Variants in DYNC1I1 observed in about 807,000 individuals in gnomAD.
DYNC1I1 encodes the protein cytoplasmic dynein 1 intermediate chain 1.
A neutral mutation model predicts 86.6 loss-of-function variants in DYNC1I1; 43 were observed. The observed-to-expected ratio is 0.50, with a 90% CI of 0.39 to 0.64. DYNC1I1 has a LOEUF of 0.64. Ranked by LOEUF, DYNC1I1 falls within the 30% of genes least tolerant of loss-of-function variation. The pLI is 0.00. For synonymous variants in DYNC1I1, 262 were observed against 283.7 expected (o/e 0.92, Z 0.77); for missense variants, 604 against 788.8 (o/e 0.77, Z 2.81).
chr7:95,888,577 A>G (rs1008454747), intron 6 of DYNC1I1, among the ~76,000 whole-genome samples: 2 of 152,192 alleles, frequency 1.3e-5, no homozygotes, highest in African/African-American at 2.4e-5. Flanking sequence ...GCTCATATGC[A>G]TGTGTATGTT....
At chr7:95,877,225 G>C (rs976477977) in intron 6 of DYNC1I1, among the ~76,000 whole-genome samples, 1 of 152,178 alleles carries the variant, frequency 6.6e-6, no homozygotes, top group South Asian at 2.1e-4. Context: ...GCAAGTGTGA[G>C]TACAAGGTGG....
At chr7:96,065,125 A>AACACTTCTCAGTTTAAG in intron 14 of DYNC1I1, among the ~76,000 whole-genome samples, 1 of 152,254 alleles carries the variant, frequency 6.6e-6, no homozygotes, top group East Asian at 1.9e-4. Context: ...ACCCTCAACC[A>AACACTTCTCAGTTTAAG]ACCATATTAA....
At chr7:95,874,346 T>C (rs891336424) in intron 6 of DYNC1I1, among the ~76,000 whole-genome samples, 1 of 152,210 alleles carries the variant, frequency 6.6e-6, no homozygotes, top group East Asian at 1.9e-4. Context: ...CAGACTGAGT[T>C]TGTGGTTGCT....
At chr7:96,082,870 TATACTC>T (rs1790565344) in intron 16 of DYNC1I1, among the ~76,000 whole-genome samples, 5 of 152,220 alleles carry the variant, frequency 3.3e-5, no homozygotes, top group Admixed American at 2.6e-4. Context: ...AAAGTGTTGT[TATACTC>T]ATATTTGTAC....
intron 6 of DYNC1I1, among the ~76,000 whole-genome samples, chr7:95,872,764 C>T (rs10258647): frequency 0.21 from 32,457 of 152,058 alleles, 4,089 homozygotes; most frequent in African/African-American, 0.35. Context: ...GATACCTTTG[C>T]CCCAATATAT....
At chr7:95,927,305 T>A (rs1225883409) in intron 6 of DYNC1I1, among the ~76,000 whole-genome samples, 1 of 152,086 alleles carries the variant, frequency 6.6e-6, no homozygotes, top group African/African-American at 2.4e-5. Flanking sequence ...GTTGTCAGTC[T>A]AGTAGGGGAG....
chr7:96,091,635 G>A (rs1790850911), intron 16 of DYNC1I1, among the ~76,000 whole-genome samples: 2 of 152,158 alleles, frequency 1.3e-5, no homozygotes, highest in African/African-American at 4.8e-5. Flanking sequence ...CTGGGATGGT[G>A]AAAGTTACTG....
At chr7:95,915,639 C>G (rs993687953) in intron 6 of DYNC1I1, among the ~76,000 whole-genome samples, 1 of 152,048 alleles carries the variant, frequency 6.6e-6, no homozygotes, top group Non-Finnish European at 1.5e-5. Context: ...TTCAGTGCTA[C>G]TGTCTACAGG....
chr7:96,107,878 T>G (rs1378845989), intron 16 of DYNC1I1, among the ~76,000 whole-genome samples: 1 of 150,858 alleles, frequency 6.6e-6, no homozygotes, highest in African/African-American at 2.4e-5. Context: ...GGTTTTTTTT[T>G]TTTTTTTTTT....
intron 14 of DYNC1I1, among the ~76,000 whole-genome samples, chr7:96,051,110 A>G (rs536919940): frequency 6.6e-6 from 1 of 152,136 alleles, no homozygotes; most frequent in East Asian, 1.9e-4. Context: ...CCTGTGCTGC[A>G]GTTTAGTTTA....
intron 3 of DYNC1I1, among the ~76,000 whole-genome samples, chr7:95,812,224 C>T (rs1472612876): frequency 6.6e-6 from 1 of 152,106 alleles, no homozygotes; most frequent in Admixed American, 6.6e-5. Context: ...GGAAATTGCA[C>T]ATGATTGAAA....
At chr7:95,903,702 T>C (rs187828970) in intron 6 of DYNC1I1, among the ~76,000 whole-genome samples, 1 of 152,332 alleles carries the variant, frequency 6.6e-6, no homozygotes, top group East Asian at 1.9e-4. Context: ...TTTATTTAAA[T>C]TTATCCTTAT....
chr7:95,989,263 A>G (rs1248995226), intron 9 of DYNC1I1, among the ~76,000 whole-genome samples: 1 of 152,218 alleles, frequency 6.6e-6, no homozygotes, highest in Non-Finnish European at 1.5e-5. Context: ...CCCCACAACT[A>G]GACCCTCATC....
intron 6 of DYNC1I1, among the ~76,000 whole-genome samples, chr7:95,901,125 C>T (rs1241178965): frequency 2.6e-5 from 4 of 152,184 alleles, no homozygotes. Flanking sequence ...CCGGCAAAGG[C>T]AGACTGCTGA....
At position 96,075,986 on chromosome 7, in the gene DYNC1I1, T is replaced by A. The variant is rs985573171; in HGVS notation, c.1510-71T>A. ...ACACTTTGTGAATGTGCAAAGTTTTTAATTAGGCTCTCTAGACAGCCCGAG... is the reference window on the plus strand; with the variant it reads ...ACACTTTGTGAATGTGCAAAGTTTTAAATTAGGCTCTCTAGACAGCCCGAG... On this transcript the variant is annotated intron_variant, in intron 14 of 16. Coordinates refer to ENST00000447467, the MANE Select transcript of DYNC1I1 (RefSeq NM_001135556.2). The A allele has an allele frequency of 5.2e-6, 8 of 1,549,668 alleles. No individual in the cohort carries two copies. The African/African-American group carries it at 9.7e-5, about 19-fold the overall frequency.
intron 1 of DYNC1I1, among the ~76,000 whole-genome samples, chr7:95,776,917 A>G (rs1394646980): frequency 1.3e-5 from 2 of 152,208 alleles, no homozygotes; most frequent in African/African-American, 4.8e-5. Flanking sequence ...TTTCTTTGAC[A>G]AACAAGGAGA....
chr7:96,076,862 T>C (rs1790356492), intron 15 of DYNC1I1, among the ~76,000 whole-genome samples: 1 of 152,246 alleles, frequency 6.6e-6, no homozygotes, highest in Non-Finnish European at 1.5e-5. Context: ...AATCAGCCAG[T>C]AATAAATACT....
intron 5 of DYNC1I1, among the ~76,000 whole-genome samples, chr7:95,862,096 T>G (rs199756597): frequency 6.6e-6 from 1 of 152,146 alleles, no homozygotes; most frequent in East Asian, 1.9e-4. Flanking sequence ...TATAAAATTC[T>G]TAGGAGAAAA....
chr7:95,810,427 C>T lies in DYNC1I1; in HGVS notation c.144C>T (p.Asp48=), dbSNP rs184726667. ...AGCAGAAGAAAGAACCCGTTCAGGACGACTCTGATCTGGATCGCAAACGAC... is the reference window on the plus strand; with the variant it reads ...AGCAGAAGAAAGAACCCGTTCAGGATGACTCTGATCTGGATCGCAAACGAC... ...DMQQKKEPVQ[D]DSDLDRKRRE... The change falls in exon 3 of 17, where the codon GAC becomes GAT. Residue 48 remains aspartate, a synonymous_variant. Coordinates refer to ENST00000447467, the MANE Select transcript of DYNC1I1 (RefSeq NM_001135556.2). The T allele has an allele frequency of 3.1e-6, 5 of 1,612,836 alleles. No individual in the cohort carries two copies. The highest frequency in any genetic ancestry group is 1.1e-5 in the South Asian group (1 of 90,980).
Sources: gnomAD v4.1 joint callset for allele counts (sites outside exome capture counted in the v4.1 genomes callset) on GRCh38, gnomAD v4.1.1 for gene constraint, MANE v1.5 for transcripts, NCBI Gene and HGNC (gene_info 2026-07-23, HGNC 2026-07-21) for gene names.